Variants in TTC21B observed in about 807,000 individuals in gnomAD.
The protein encoded by TTC21B is tetratricopeptide repeat protein 21B.
In TTC21B, 127 loss-of-function variants were observed where a neutral mutation model predicts 175.1. That is an observed-to-expected ratio of 0.73 (90% CI 0.63 to 0.84). The LOEUF (loss-of-function observed/expected upper bound fraction) is 0.84, where lower values mean the gene tolerates loss of function less well. TTC21B is among the 40% of genes least tolerant of loss of function. TTC21B has a pLI of 0.00. For synonymous variants in TTC21B, 524 were observed against 524.5 expected, an observed-to-expected ratio of 1.00 and a Z score of 0.01; for missense variants, 1,561 against 1,558.3, an observed-to-expected ratio of 1.00 and a Z score of -0.03.
chr2:165,888,546 T>G lies in TTC21B; in HGVS notation c.3264-72A>C, dbSNP rs934560705. The G allele has an allele frequency of 2.4e-6, 3 of 1,259,308 alleles. No individual in the cohort carries two copies. The South Asian group carries it at 3.8e-5, about 16-fold the overall frequency. The allele number at this position is 1,259,308 out of a possible 1,614,324, so 78.0% of individuals were successfully genotyped here. A position where few individuals can be genotyped will look rare whatever the true frequency, so the allele number is the denominator to read the frequency against. ...CAATTCATTGAGATTAGAATCAGCT[T>G]TTGTACACAAAAGCTCTGGGCACTC... On this transcript the variant is annotated intron_variant, in intron 24 of 28. Coordinates refer to ENST00000243344, the MANE Select transcript of TTC21B (RefSeq NM_024753.5).
intron 18 of TTC21B, among the ~76,000 whole-genome samples, chr2:165,908,544 T>C (rs764546907): frequency 1.3e-5 from 2 of 152,156 alleles, no homozygotes; most frequent in Non-Finnish European, 2.9e-5. Context: ...AAGTGCACAG[T>C]TCATGACACG....
intron 19 of TTC21B, 21 bp from the exon 20 acceptor site, chr2:165,901,931 AG>A (rs2105306475): frequency 6.2e-7 from 1 of 1,600,982 alleles, no homozygotes. Flanking sequence ...TCAGTATAAA[AG>A]GGAATAAAAA....
At chr2:165,917,537 T>C in intron 13 of TTC21B, 56 bp from the exon 14 acceptor site, 2 of 1,342,430 alleles carry the variant, frequency 1.5e-6, no homozygotes, top group Non-Finnish European at 2.1e-6. Flanking sequence ...ACACATAATT[T>C]ACAATCCATC....
intron 15 of TTC21B, 31 bp from the exon 16 acceptor site, chr2:165,913,677 T>C: frequency 2.6e-6 from 4 of 1,531,096 alleles, no homozygotes; most frequent in African/African-American, 1.4e-5. Flanking sequence ...ACTTAGCATA[T>C]TGAACACAGA....
intron 11 of TTC21B, chr2:165,928,879 C>A (rs1054219963): frequency 2.3e-6 from 1 of 436,094 alleles, no homozygotes; most frequent in Non-Finnish European, 4.2e-6. Context: ...GAATTAGATG[C>A]CTTTTAATAT....
intron 6 of TTC21B, among the ~76,000 whole-genome samples, chr2:165,938,974 T>G (rs1459998690): frequency 6.6e-6 from 1 of 152,212 alleles, no homozygotes; most frequent in Non-Finnish European, 1.5e-5. Context: ...TATGTGATAA[T>G]GATATTGTCA....
At chr2:165,909,123 G>C (rs925875101) in intron 18 of TTC21B, among the ~76,000 whole-genome samples, 1 of 151,936 alleles carries the variant, frequency 6.6e-6, no homozygotes, top group Admixed American at 6.6e-5. Context: ...TATAATCAGA[G>C]CAATGTATAT....
intron 27 of TTC21B, among the ~76,000 whole-genome samples, chr2:165,879,085 T>C (rs1295658656): frequency 6.6e-6 from 1 of 152,138 alleles, no homozygotes; most frequent in Non-Finnish European, 1.5e-5. Flanking sequence ...ATCTTAAGGA[T>C]GAAATTGAGG....
intron 26 of TTC21B, among the ~76,000 whole-genome samples, chr2:165,883,139 T>C (rs1203880783): frequency 6.6e-6 from 1 of 152,166 alleles, no homozygotes; most frequent in Non-Finnish European, 1.5e-5. Flanking sequence ...GATATGAATA[T>C]ATGAAGATAA....
intron 22 of TTC21B, among the ~76,000 whole-genome samples, chr2:165,894,440 G>A (rs1455033613): frequency 1.3e-5 from 2 of 152,168 alleles, no homozygotes; most frequent in African/African-American, 2.4e-5. Flanking sequence ...GAACGGAGAT[G>A]CATGTTTTAG....
rs113681162 is a variant in TTC21B, at chr2:165,937,437, C to T, written c.710+3590G>A. 8.3e-3 allele frequency among the ~76,000 whole-genome samples: 1,269 copies of T among 152,166 alleles called. 12 individuals are homozygous for T. Among genetic ancestry groups the T allele is most frequent in the African/African-American group, 0.028 (1,160 of 41,544 alleles). ...CAAAAGTGAACTGTAATATAAATGA[C>T]GGACTTTGGGCGCCTATAGTGTAAG... On this transcript the variant is annotated intron_variant, in intron 6 of 28. Coordinates refer to ENST00000243344, the MANE Select transcript of TTC21B (RefSeq NM_024753.5).
At chr2:165,920,570 AAGG>A (rs1395124464) in intron 12 of TTC21B, among the ~76,000 whole-genome samples, 1 of 152,128 alleles carries the variant, frequency 6.6e-6, no homozygotes, top group Admixed American at 6.6e-5. Context: ...TTCTTTTAGC[AAGG>A]AGAAGGACTA....
intron 6 of TTC21B, 40 bp from the exon 7 acceptor site, chr2:165,933,097 T>C (rs1215481360): frequency 5.1e-6 from 8 of 1,576,120 alleles, no homozygotes; most frequent in Non-Finnish European, 6.1e-6. Flanking sequence ...AATAAATTTA[T>C]ATATTTTCTT....
chr2:165,923,619 T>TG (rs10686017), intron 12 of TTC21B, among the ~76,000 whole-genome samples: 3 of 147,504 alleles, frequency 2.0e-5, no homozygotes, highest in Non-Finnish European at 3.0e-5. Context: ...TAATTTCTTG[T>TG]TTTTAGTAGA....
chr2:165,931,267 G>C (rs1159324963), intron 8 of TTC21B, among the ~76,000 whole-genome samples: 1 of 151,498 alleles, frequency 6.6e-6, no homozygotes, highest in East Asian at 1.9e-4. Context: ...TCCTTGTATT[G>C]ATTTTGAGAT....
In TTC21B at chr2:165,876,248, C is replaced by T; in HGVS notation, c.3806-16G>A. 6.7e-7 allele frequency: 1 copy of T among 1,493,218 alleles called. No individual in the cohort carries two copies. Among genetic ancestry groups the T allele is most frequent in the Non-Finnish European group, 9.3e-7 (1 of 1,071,178 alleles). 92.5% of individuals were successfully genotyped at this position (1,493,218 alleles called of 1,614,324 possible). ...AGTTTGTATCCTGTTAAGACAAAAA[C>T]CATAAAACAGAATGATGGAGTACAC... is the stretch of plus-strand genomic sequence containing the variant. On this transcript the variant is annotated splice_polypyrimidine_tract_variant and intron_variant, in intron 27 of 28. Coordinates refer to ENST00000243344, the MANE Select transcript of TTC21B (RefSeq NM_024753.5).
At chr2:165,934,178 A>T (rs996953387) in intron 6 of TTC21B, 1 of 151,976 alleles carries the variant, frequency 6.6e-6, no homozygotes, top group African/African-American at 2.4e-5. Context: ...GGGAAAGAAA[A>T]TTTTTTTTCC....
At chr2:165,880,983 T>C (rs1471746401) in intron 26 of TTC21B, among the ~76,000 whole-genome samples, 184 bp from the exon 27 acceptor site, 1 of 152,178 alleles carries the variant, frequency 6.6e-6, no homozygotes, top group East Asian at 1.9e-4. Flanking sequence ...ATGGCAAGTC[T>C]CCATCACATA....
Position 165,874,478 on chromosome 2 carries a change from A to G in TTC21B, c.*277T>C. ...ATTTAATTACCTAGATTTTAACAAA[A>G]TATTCTTTATAGAAATAATTATAGT... On this transcript the variant is annotated 3_prime_UTR_variant, in exon 29 of 29. Coordinates refer to ENST00000243344, the MANE Select transcript of TTC21B (RefSeq NM_024753.5). 3.5e-6 allele frequency: 1 copy of G among 282,092 alleles called. No homozygotes were observed. The highest frequency in any genetic ancestry group is 6.7e-6 in the Non-Finnish European group (1 of 148,392). 17.5% of individuals were successfully genotyped at this position (282,092 alleles called of 1,614,324 possible).
Sources: allele counts gnomAD v4.1 joint callset (sites outside exome capture counted in the v4.1 genomes callset), GRCh38; gene constraint gnomAD v4.1.1; transcripts MANE v1.5; gene names NCBI Gene and HGNC (gene_info 2026-07-23, HGNC 2026-07-21).